The following MYO1H variants were observed in gnomAD, a reference collection of about 807,000 sequenced individuals.
The protein encoded by MYO1H is myosin IH.
Under a neutral mutation model 149.3 loss-of-function variants are expected in MYO1H, and 118 were observed. That is an observed-to-expected ratio of 0.79 (90% CI 0.68 to 0.92). The LOEUF is 0.92. MYO1H is among the 40% of genes least tolerant of loss of function. The probability of loss-of-function intolerance (pLI) is 0.00; values close to 1 mark genes in which losing one functional copy is unlikely to be tolerated. For missense variants in MYO1H, 1,212 were observed against 1,280.7 expected, an observed-to-expected ratio of 0.95 and a Z score of 0.82; for synonymous variants, 447 against 465.2, an observed-to-expected ratio of 0.96 and a Z score of 0.50.
intron 8 of MYO1H, 137 bp from the exon 9 acceptor site, chr12:109,406,652 A>T (rs1409988942): frequency 1.3e-6 from 1 of 751,994 alleles, no homozygotes. Context: ...CTTGTCTGAA[A>T]AAAAGTTACA....
At chr12:109,395,734 C>CAA (rs112060744) in intron 3 of MYO1H, among the ~76,000 whole-genome samples, 4,786 of 137,824 alleles carry the variant, frequency 0.035, 102 homozygotes, top group Middle Eastern at 0.067. Context: ...GACTCCATCT[C>CAA]AAAAAAAAAA....
At chr12:109,391,631 A>C (rs1377193423) in intron 2 of MYO1H, among the ~76,000 whole-genome samples, 1 of 152,212 alleles carries the variant, frequency 6.6e-6, no homozygotes, top group African/African-American at 2.4e-5. Context: ...TCTTTGAGGA[A>C]TCGCCACACT....
At chr12:109,344,930 A>G (rs184654988), upstream of MYO1H, among the ~76,000 whole-genome samples, 1 of 152,242 alleles carries the variant, frequency 6.6e-6, no homozygotes, top group Non-Finnish European at 1.5e-5. Flanking sequence ...ATGCAATGTT[A>G]TAAAGTTAGA....
Position 109,411,990 on chromosome 12 carries a change from A to G in MYO1H, c.1502+5A>G, listed in dbSNP as rs570248480. On this transcript the variant is annotated splice_donor_5th_base_variant and intron_variant, in intron 14 of 31. Transcript: ENST00000310903. ...CAAACATGCACACTTCGAAACGTACATACTTTATTTTACCAGATTTTGCAT... is the reference window on the plus strand; with the variant it reads ...CAAACATGCACACTTCGAAACGTACGTACTTTATTTTACCAGATTTTGCAT... 4 of 1,572,772 alleles carry G rather than the reference A, an allele frequency of 2.5e-6. No homozygotes were observed. Among genetic ancestry groups the G allele is most frequent in the Admixed American group, 1.9e-5 (1 of 53,366 alleles).
chr12:109,396,814 G>GTTTTTTTTTTTTTTTTTTTTTT (rs60551691), intron 4 of MYO1H, among the ~76,000 whole-genome samples: 3 of 51,088 alleles, frequency 5.9e-5, no homozygotes, highest in Non-Finnish European at 8.0e-5. Context: ...TTTTGGTTTC[G>GTTTTTTTTTTTTTTTTTTTTTT]TTTTTTTTTT....
chr12:109,316,357 GA>G, the MYO1H span, among the ~76,000 whole-genome samples: 2 of 152,128 alleles, frequency 1.3e-5, no homozygotes, highest in Non-Finnish European at 2.9e-5. Flanking sequence ...TGTGTGTTCG[GA>G]TCATGCTCCC....
At chr12:109,370,643 G>A (rs1001709147) in intron 1 of MYO1H, among the ~76,000 whole-genome samples, 1 of 152,300 alleles carries the variant, frequency 6.6e-6, no homozygotes, top group Admixed American at 6.5e-5. Context: ...TTGGCAGGGA[G>A]GTACATTTGG....
intron 1 of MYO1H, among the ~76,000 whole-genome samples, chr12:109,350,729 A>T (rs918441890): frequency 6.6e-6 from 1 of 152,226 alleles, no homozygotes; most frequent in Non-Finnish European, 1.5e-5. Context: ...GCACTTTTCC[A>T]TGGTTCAAAT....
chr12:109,341,239 A>AAC, the MYO1H span, among the ~76,000 whole-genome samples: 95 of 151,768 alleles, frequency 6.3e-4, 1 homozygote, highest in African/African-American at 2.1e-3. Flanking sequence ...CAAAAAAAAA[A>AAC]AAAAAATCCT....
At chr12:109,348,158 T>G (rs1211695959) in intron 1 of MYO1H, among the ~76,000 whole-genome samples, 186 bp downstream of exon 1, 2 of 152,244 alleles carry the variant, frequency 1.3e-5, no homozygotes. Flanking sequence ...ATCTCCCTTC[T>G]GTTGCTGGGG....
chr12:109,424,666 T>C (rs2135577001), intron 16 of MYO1H, 82 bp from the exon 17 acceptor site: 3 of 1,050,720 alleles, frequency 2.9e-6, no homozygotes, highest in South Asian at 1.4e-5. Context: ...TGTTGCTTCA[T>C]GCACACTCTG....
At chr12:109,368,459 C>T (rs1404384578) in intron 1 of MYO1H, among the ~76,000 whole-genome samples, 1 of 151,978 alleles carries the variant, frequency 6.6e-6, no homozygotes, top group Non-Finnish European at 1.5e-5. Flanking sequence ...AGTTTGAGAC[C>T]ATCCTGGGCA....
chr12:109,348,396 GC>G (rs1645008943), intron 1 of MYO1H, among the ~76,000 whole-genome samples: 1 of 152,228 alleles, frequency 6.6e-6, no homozygotes, highest in Non-Finnish European at 1.5e-5. Context: ...GCCACATGTG[GC>G]TAGTGGCTAC....
At chr12:109,334,556 C>T in the MYO1H span, among the ~76,000 whole-genome samples, 1 of 152,204 alleles carries the variant, frequency 6.6e-6, no homozygotes, top group African/African-American at 2.4e-5. Context: ...AAAGCCAGGA[C>T]CAGATCCATT....
In MYO1H at chr12:109,433,039, C is replaced by A; in HGVS notation, c.2063+29C>A. On this transcript the variant is annotated intron_variant, in intron 20 of 31. Transcript: ENST00000310903. ...AGTGACCAGAAGACCACCAAATGGT[C>A]TCTTCCCTTGACATCAAAGGGTTTT... 4 of 1,571,830 alleles carry A rather than the reference C, an allele frequency of 2.5e-6. No homozygotes were observed. In the South Asian group the frequency reaches 4.4e-5, roughly 17 times the overall value.
intron 15 of MYO1H, 99 bp downstream of exon 15, chr12:109,415,719 C>T: frequency 1.4e-6 from 1 of 733,056 alleles, no homozygotes; most frequent in Non-Finnish European, 2.0e-6. Context: ...CACAGCCATC[C>T]CAAACGTTCC....
Position 109,410,680 on chromosome 12 carries a change from C to T in MYO1H, c.1330-8C>T. 2.5e-6 allele frequency: 4 copies of T among 1,585,214 alleles called. No homozygotes were observed. The highest frequency in any genetic ancestry group is 3.4e-6 in the Non-Finnish European group (4 of 1,159,898). ...TCTTGGAGAATTCATTCCTCTTTGTCATTTTAGTGGGAGCCAATTAAATAT... is the reference window on the plus strand; with the variant it reads ...TCTTGGAGAATTCATTCCTCTTTGTTATTTTAGTGGGAGCCAATTAAATAT... On this transcript the variant is annotated splice_polypyrimidine_tract_variant and splice_region_variant and intron_variant, in intron 12 of 31. Coordinates refer to ENST00000310903, the Ensembl canonical transcript of MYO1H.
exon 6 of MYO1H, chr12:109,401,167 G>A (rs1292023090): frequency 1.2e-6 from 2 of 1,613,798 alleles, no homozygotes; most frequent in South Asian, 1.1e-5. Context: ...ACGAAGGCGA[G>A]CGGAATTTCC....
intron 31 of MYO1H, chr12:109,446,309 G>C (rs1215180027): frequency 1.0e-6 from 1 of 973,246 alleles, no homozygotes; most frequent in Admixed American, 6.7e-5. Flanking sequence ...AGCTTGTTTT[G>C]ATCCAGTTTT....
Sources: gnomAD v4.1 joint callset for allele counts (sites outside exome capture counted in the v4.1 genomes callset) on GRCh38, gnomAD v4.1.1 for gene constraint, MANE v1.5 for transcripts, NCBI Gene and HGNC (gene_info 2026-07-23, HGNC 2026-07-21) for gene names.